The following ANO4 variants were observed in gnomAD, a reference collection of about 807,000 sequenced individuals.
The protein encoded by ANO4 is anoctamin-4.
In ANO4, 69 loss-of-function variants were observed where a neutral mutation model predicts 141.9. That is an observed-to-expected ratio of 0.49 (90% CI 0.40 to 0.59). The LOEUF is 0.59. Ranked by LOEUF, ANO4 falls within the 20% of genes least tolerant of loss-of-function variation. The pLI, the probability that ANO4 is intolerant of heterozygous loss-of-function variation, is 0.00. For synonymous variants in ANO4, 350 were observed against 394.3 expected (o/e 0.89, Z 1.33); for missense variants, 894 against 1,162.2 (o/e 0.77, Z 3.36).
chr12:100,892,215 T>G (rs2040139964), intron 1 of ANO4, among the ~76,000 whole-genome samples: 1 of 152,240 alleles, frequency 6.6e-6, no homozygotes, highest in Non-Finnish European at 1.5e-5. Flanking sequence ...AAAGTTGCAG[T>G]GACCACAGGA....
intron 3 of ANO4, among the ~76,000 whole-genome samples, chr12:100,779,877 G>A (rs2033660098): frequency 6.6e-6 from 1 of 152,072 alleles, no homozygotes; most frequent in East Asian, 1.9e-4. Context: ...ATTGCGAATT[G>A]TTTGGTATCC....
At chr12:100,802,086 A>AT (rs1351224819) in intron 1 of ANO4, among the ~76,000 whole-genome samples, 1 of 152,182 alleles carries the variant, frequency 6.6e-6, no homozygotes, top group African/African-American at 2.4e-5. Flanking sequence ...AACTTAAATC[A>AT]ATCAGTTTAG....
chr12:101,038,902 T>C (rs2047306222), intron 10 of ANO4: 1 of 151,176 alleles, frequency 6.6e-6, no homozygotes, highest in Admixed American at 6.6e-5. Flanking sequence ...TATTGAGACA[T>C]TGTCTCTAGC....
intron 7 of ANO4, among the ~76,000 whole-genome samples, chr12:100,986,312 A>G (rs1312752846): frequency 2.0e-5 from 3 of 152,196 alleles, no homozygotes; most frequent in Non-Finnish European, 2.9e-5. Flanking sequence ...AGGAAGGCCA[A>G]TGTCCAAGGG....
intron 1 of ANO4, among the ~76,000 whole-genome samples, chr12:100,725,456 C>T (rs1419181816): frequency 5.3e-5 from 8 of 150,650 alleles, no homozygotes; most frequent in African/African-American, 2.0e-4. Flanking sequence ...ACGCCATTCT[C>T]CTGCCTCAGC....
At chr12:100,820,893 G>A (rs969281987) in intron 1 of ANO4, among the ~76,000 whole-genome samples, 4 of 152,098 alleles carry the variant, frequency 2.6e-5, no homozygotes, top group South Asian at 2.1e-4. Context: ...TCTCATTAAC[G>A]ATGCAAAGTC....
chr12:100,991,072 CA>C (rs879735318), intron 8 of ANO4, among the ~76,000 whole-genome samples: 2 of 151,994 alleles, frequency 1.3e-5, no homozygotes, highest in Non-Finnish European at 2.9e-5. Flanking sequence ...TCAGTGGGAC[CA>C]AGAGAATAGA....
At chr12:100,950,548 G>A (rs189660498) in intron 5 of ANO4, among the ~76,000 whole-genome samples, 114 of 152,296 alleles carry the variant, frequency 7.5e-4, no homozygotes, top group Non-Finnish European at 1.4e-3. Flanking sequence ...TCTTCCTCAA[G>A]TTGTTGATGG....
At chr12:101,106,573 G>GTGTATATATA (rs1555303963) in intron 22 of ANO4, among the ~76,000 whole-genome samples, 25 of 138,610 alleles carry the variant, frequency 1.8e-4, no homozygotes, top group African/African-American at 6.0e-4. Context: ...GTGTGTGTGT[G>GTGTATATATA]TATATATATA....
chr12:100,865,144 C>T (rs56162086), intron 1 of ANO4, among the ~76,000 whole-genome samples: 8,841 of 152,226 alleles, frequency 0.058, 357 homozygotes, highest in African/African-American at 0.11. Flanking sequence ...TAGGTACATA[C>T]CCAGTAATGG....
intron 5 of ANO4, among the ~76,000 whole-genome samples, chr12:100,968,968 C>T (rs1169367236): frequency 6.6e-6 from 1 of 152,164 alleles, no homozygotes; most frequent in Non-Finnish European, 1.5e-5. Flanking sequence ...GGTTACTCAA[C>T]AGAAGAAAAC....
chr12:100,877,615 A>G (rs566362429), intron 1 of ANO4, among the ~76,000 whole-genome samples: 1 of 152,152 alleles, frequency 6.6e-6, no homozygotes, highest in Admixed American at 6.6e-5. Flanking sequence ...TTAATTTACT[A>G]GAAGATGGTA....
intron 3 of ANO4, among the ~76,000 whole-genome samples, chr12:100,783,862 A>T (rs1264110388): frequency 6.6e-6 from 1 of 152,194 alleles, no homozygotes; most frequent in Non-Finnish European, 1.5e-5. Context: ...GTCAAAGTAG[A>T]AAACTGTCCA....
chr12:100,895,557 C>G (rs1259397077), intron 1 of ANO4, among the ~76,000 whole-genome samples: 1 of 137,322 alleles, frequency 7.3e-6, no homozygotes, highest in African/African-American at 3.2e-5. Flanking sequence ...AAAATCTGAG[C>G]TTTGTTTTTT....
At chr12:100,756,060 T>C (rs184688815) in intron 3 of ANO4, among the ~76,000 whole-genome samples, 2 of 152,320 alleles carry the variant, frequency 1.3e-5, no homozygotes, top group Admixed American at 6.5e-5. Context: ...GTTTATTATT[T>C]TTTCAAGTGT....
At chr12:100,829,473 T>A (rs1423917541) in intron 1 of ANO4, among the ~76,000 whole-genome samples, 5 of 152,110 alleles carry the variant, frequency 3.3e-5, no homozygotes, top group African/African-American at 4.8e-5. Context: ...TGTTAGATGA[T>A]CTCAGATCTC....
intron 5 of ANO4, among the ~76,000 whole-genome samples, chr12:100,969,045 G>A (rs928919774): frequency 1.3e-5 from 2 of 152,146 alleles, no homozygotes; most frequent in Admixed American, 6.6e-5. Flanking sequence ...TCCACTCCCT[G>A]GACAGGCACC....
chr12:100,996,101 A>G (rs544891009), intron 8 of ANO4, among the ~76,000 whole-genome samples: 2 of 152,184 alleles, frequency 1.3e-5, no homozygotes, highest in Admixed American at 6.6e-5. Context: ...TTCTCTATCA[A>G]ACATTTTACG....
chr12:101,026,518 T>C (rs1418233366), intron 9 of ANO4, among the ~76,000 whole-genome samples: 1 of 152,112 alleles, frequency 6.6e-6, no homozygotes, highest in Non-Finnish European at 1.5e-5. Flanking sequence ...TGTGTGTATA[T>C]GTGAAAATTG....
Sources: gnomAD v4.1 joint callset for allele counts (sites outside exome capture counted in the v4.1 genomes callset) on GRCh38, gnomAD v4.1.1 for gene constraint, MANE v1.5 for transcripts, NCBI Gene and HGNC (gene_info 2026-07-23, HGNC 2026-07-21) for gene names.